Variants in CSMD3 observed in about 807,000 individuals in gnomAD.
CSMD3 encodes the protein CUB and sushi domain-containing protein 3.
In CSMD3, 177 loss-of-function variants were observed where a neutral mutation model predicts 435.2. The ratio of observed to expected loss-of-function variants is 0.41; its 90% CI spans 0.36 to 0.46. CSMD3 has a LOEUF of 0.46. CSMD3 is among the 20% of genes least tolerant of loss of function. CSMD3 has a pLI of 0.34. For synonymous variants in CSMD3, 1,656 were observed against 1,520.5 expected, an observed-to-expected ratio of 1.09 and a Z score of -2.07; for missense variants, 4,265 against 4,504.6, an observed-to-expected ratio of 0.95 and a Z score of 1.52.
intron 28 of CSMD3, among the ~76,000 whole-genome samples, chr8:112,511,667 G>A (rs951409776): frequency 5.3e-5 from 8 of 152,158 alleles, no homozygotes; most frequent in African/African-American, 1.7e-4. Flanking sequence ...TGGGATTACA[G>A]ACGTGAGCCA....
intron 27 of CSMD3, among the ~76,000 whole-genome samples, chr8:112,518,355 A>G (rs1375722468): frequency 6.6e-6 from 1 of 151,868 alleles, no homozygotes; most frequent in Non-Finnish European, 1.5e-5. Flanking sequence ...TAAAAAAAAA[A>G]AAATTAGCCC....
chr8:113,188,956 A>T (rs1246929256), intron 3 of CSMD3, among the ~76,000 whole-genome samples: 1 of 151,842 alleles, frequency 6.6e-6, no homozygotes, highest in Non-Finnish European at 1.5e-5. Flanking sequence ...TCACTGGTTC[A>T]TACTGAAAAG....
intron 5 of CSMD3, among the ~76,000 whole-genome samples, chr8:113,034,797 C>T (rs532977512): frequency 1.3e-5 from 2 of 152,084 alleles, no homozygotes; most frequent in Admixed American, 1.3e-4. Context: ...TAAACTAATG[C>T]TATACAAAAC....
chr8:113,382,274 T>C (rs2094419376), intron 1 of CSMD3, among the ~76,000 whole-genome samples: 2 of 152,186 alleles, frequency 1.3e-5, no homozygotes, highest in African/African-American at 4.8e-5. Context: ...TCATTAGCAT[T>C]AGTTGTTATG....
At chr8:112,414,129 C>T (rs1410040654) in intron 32 of CSMD3, among the ~76,000 whole-genome samples, 1 of 152,148 alleles carries the variant, frequency 6.6e-6, no homozygotes, top group Non-Finnish European at 1.5e-5. Context: ...TTGAAGTTGG[C>T]TCAATCTCTC....
intron 13 of CSMD3, among the ~76,000 whole-genome samples, chr8:112,710,777 T>G (rs946666928): frequency 3.3e-5 from 5 of 150,930 alleles, no homozygotes; most frequent in Non-Finnish European, 4.4e-5. Flanking sequence ...GAAGTCTTTA[T>G]GCTATGATGT....
intron 2 of CSMD3, among the ~76,000 whole-genome samples, chr8:113,293,085 T>C (rs1020854684): frequency 1.2e-4 from 18 of 152,018 alleles, no homozygotes; most frequent in Non-Finnish European, 2.5e-4. Flanking sequence ...AGCTATGTTA[T>C]ATGCACATGG....
intron 19 of CSMD3, among the ~76,000 whole-genome samples, chr8:112,647,874 T>C (rs1475478397): frequency 6.6e-6 from 1 of 152,218 alleles, no homozygotes; most frequent in Non-Finnish European, 1.5e-5. Flanking sequence ...ATAGCACTTA[T>C]CTATAGAGTT....
At chr8:112,947,465 G>C (rs944376194) in intron 9 of CSMD3, among the ~76,000 whole-genome samples, 1 of 151,520 alleles carries the variant, frequency 6.6e-6, no homozygotes, top group Admixed American at 6.6e-5. Context: ...AAACAGGATA[G>C]AGCAACTTAC....
At chr8:112,543,035 T>C (rs1028987742) in intron 27 of CSMD3, among the ~76,000 whole-genome samples, 6 of 151,708 alleles carry the variant, frequency 4.0e-5, no homozygotes, top group Non-Finnish European at 8.8e-5. Context: ...ATTTAGAAAA[T>C]TGGATATCCA....
chr8:113,046,695 C>G (rs2087851203), intron 5 of CSMD3, among the ~76,000 whole-genome samples: 1 of 152,174 alleles, frequency 6.6e-6, no homozygotes, highest in African/African-American at 2.4e-5. Context: ...TCTCCACAGC[C>G]TCTGCTGTTT....
chr8:112,539,690 G>A (rs1236251008), intron 27 of CSMD3, among the ~76,000 whole-genome samples: 1 of 152,000 alleles, frequency 6.6e-6, no homozygotes, highest in African/African-American at 2.4e-5. Context: ...GCAGAAATTG[G>A]ATATCCATAC....
intron 32 of CSMD3, among the ~76,000 whole-genome samples, chr8:112,443,818 A>T (rs1038826493): frequency 6.6e-6 from 1 of 152,010 alleles, no homozygotes; most frequent in African/African-American, 2.4e-5. Flanking sequence ...TTACAATGCT[A>T]TTTATTAATT....
At chr8:112,399,593 T>C (rs559779370) in intron 35 of CSMD3, among the ~76,000 whole-genome samples, 3 of 152,272 alleles carry the variant, frequency 2.0e-5, no homozygotes, top group South Asian at 4.2e-4. Context: ...GTTTAAATCA[T>C]TGGCAGTCAA....
intron 1 of CSMD3, among the ~76,000 whole-genome samples, chr8:113,338,634 A>G (rs1283646157): frequency 6.6e-6 from 1 of 152,056 alleles, no homozygotes; most frequent in East Asian, 1.9e-4. Flanking sequence ...AATAAGATAT[A>G]TAGTGAATGG....
chr8:112,449,169 C>A (rs1241217038), intron 32 of CSMD3, among the ~76,000 whole-genome samples: 1 of 152,136 alleles, frequency 6.6e-6, no homozygotes, highest in Non-Finnish European at 1.5e-5. Flanking sequence ...AATCAATATT[C>A]CCCATTCACT....
chr8:112,256,944 C>G (rs1040536004), intron 61 of CSMD3, among the ~76,000 whole-genome samples: 2 of 152,064 alleles, frequency 1.3e-5, no homozygotes, highest in Non-Finnish European at 2.9e-5. Flanking sequence ...TTGGCATGCC[C>G]GAGCCATCTG....
intron 5 of CSMD3, among the ~76,000 whole-genome samples, chr8:113,079,148 A>G (rs2089458654): frequency 6.6e-6 from 1 of 152,194 alleles, no homozygotes; most frequent in African/African-American, 2.4e-5. Flanking sequence ...AATTATCCTA[A>G]CTTACTCTTC....
intron 13 of CSMD3, 74 bp downstream of exon 13, chr8:112,800,088 C>G: frequency 1.0e-6 from 1 of 980,430 alleles, no homozygotes; most frequent in Non-Finnish European, 1.6e-6. Context: ...TTTGTAGATG[C>G]AATTAAACGT....
Sources: allele counts gnomAD v4.1 joint callset (sites outside exome capture counted in the v4.1 genomes callset), GRCh38; gene constraint gnomAD v4.1.1; transcripts MANE v1.5; gene names NCBI Gene and HGNC (gene_info 2026-07-23, HGNC 2026-07-21).